Variants in IL1RAPL1 observed in about 807,000 individuals in gnomAD.
IL1RAPL1 encodes interleukin-1 receptor accessory protein-like 1.
IL1RAPL1 carries 3 observed loss-of-function variants against 48.4 expected under a neutral mutation model. The observed-to-expected ratio is 0.06, with a 90% CI of 0.03 to 0.16. The LOEUF is 0.16. IL1RAPL1 is among the 10% of genes least tolerant of loss of function. IL1RAPL1 has a pLI of 1.00. For synonymous variants in IL1RAPL1, 185 were observed against 187.7 expected, an observed-to-expected ratio of 0.99 and a Z score of 0.12; for missense variants, 349 against 530.6, an observed-to-expected ratio of 0.66 and a Z score of 3.36.
At chrX:29,028,612 T>A (rs1336533501) in intron 2 of IL1RAPL1, among the ~76,000 whole-genome samples, 2 of 111,302 alleles carry the variant, frequency 1.8e-5, no homozygotes, top group African/African-American at 3.3e-5. Flanking sequence ...ATGAATTCAG[T>A]GTTTTTAGAT....
At chrX:28,952,345 G>A (rs1924492444) in intron 2 of IL1RAPL1, among the ~76,000 whole-genome samples, 1 of 111,040 alleles carries the variant, frequency 9.0e-6, no homozygotes, top group African/African-American at 3.3e-5. Flanking sequence ...AAAAAGTTAT[G>A]TTTATAAATT....
intron 6 of IL1RAPL1, among the ~76,000 whole-genome samples, chrX:29,771,039 G>A (rs762174300): frequency 5.4e-4 from 61 of 111,966 alleles, no homozygotes; most frequent in Non-Finnish European, 1.0e-3. Context: ...ATATGTGCCT[G>A]TCATGTCATT....
intron 3 of IL1RAPL1, among the ~76,000 whole-genome samples, chrX:29,338,701 C>A (rs1402363303): frequency 9.0e-6 from 1 of 110,870 alleles, no homozygotes; most frequent in Non-Finnish European, 1.9e-5. Context: ...CTCCCTCATC[C>A]CCTTCTTCTC....
At chrX:29,149,393 G>A (rs1929416103) in intron 2 of IL1RAPL1, among the ~76,000 whole-genome samples, 1 of 110,989 alleles carries the variant, frequency 9.0e-6, no homozygotes, top group Admixed American at 9.7e-5. Context: ...TACCACATTT[G>A]ACACTGAAAA....
At chrX:29,674,203 A>T (rs149610438) in intron 6 of IL1RAPL1, among the ~76,000 whole-genome samples, 460 of 111,684 alleles carry the variant, frequency 4.1e-3, no homozygotes, top group South Asian at 0.015. Context: ...GAGGCAGGCA[A>T]ATCCCTTGAG....
chrX:29,847,079 A>G (rs921621538), intron 6 of IL1RAPL1, among the ~76,000 whole-genome samples: 34 of 111,729 alleles, frequency 3.0e-4, no homozygotes, highest in African/African-American at 1.0e-3. Flanking sequence ...TAAAAATAGA[A>G]CATTTCACAC....
At chrX:28,656,612 G>C (rs765489836) in intron 1 of IL1RAPL1, among the ~76,000 whole-genome samples, 1 of 111,435 alleles carries the variant, frequency 9.0e-6, no homozygotes, top group South Asian at 3.7e-4. Context: ...TATTTCCTGC[G>C]TGTCCTTCAC....
At chrX:28,903,625 T>G (rs1464614342) in intron 2 of IL1RAPL1, among the ~76,000 whole-genome samples, 3 of 110,063 alleles carry the variant, frequency 2.7e-5, no homozygotes, top group Non-Finnish European at 3.8e-5. Context: ...CTTTTCCTCC[T>G]CCTAAAAAGA....
At chrX:29,603,129 G>C (rs968243733) in intron 5 of IL1RAPL1, among the ~76,000 whole-genome samples, 3 of 110,036 alleles carry the variant, frequency 2.7e-5, no homozygotes, top group African/African-American at 9.9e-5. Context: ...AGCTGGGTGT[G>C]GTGATGGGCG....
chrX:29,252,236 G>A (rs1233173979), intron 2 of IL1RAPL1, among the ~76,000 whole-genome samples: 1 of 110,707 alleles, frequency 9.0e-6, no homozygotes, highest in East Asian at 2.7e-4. Context: ...TGCACATTGT[G>A]CACATGTACC....
At chrX:29,837,059 AC>A (rs1931023378) in intron 6 of IL1RAPL1, among the ~76,000 whole-genome samples, 1 of 107,884 alleles carries the variant, frequency 9.3e-6, no homozygotes, top group Admixed American at 1.0e-4. Context: ...GGAGATGGAG[AC>A]CATCCTGGCT....
At chrX:29,320,361 G>T (rs760314319) in intron 3 of IL1RAPL1, among the ~76,000 whole-genome samples, 1 of 111,972 alleles carries the variant, frequency 8.9e-6, no homozygotes, top group East Asian at 2.8e-4. Context: ...GTCCAAATGG[G>T]AAAAAGACGT....
At chrX:29,587,682 T>C (rs962245234) in intron 5 of IL1RAPL1, among the ~76,000 whole-genome samples, 3 of 111,990 alleles carry the variant, frequency 2.7e-5, no homozygotes, top group Non-Finnish European at 5.6e-5. Context: ...TAACTATTTA[T>C]AGAAAAGGAA....
At chrX:29,573,204 T>C (rs771382747) in intron 5 of IL1RAPL1, among the ~76,000 whole-genome samples, 1 of 112,123 alleles carries the variant, frequency 8.9e-6, no homozygotes, top group East Asian at 2.8e-4. Flanking sequence ...ATATAGTCAC[T>C]TCACAAAGGC....
rs149249097 is a variant in IL1RAPL1, at chrX:29,273,945, A to G, written c.83-8993A>G. On this transcript the variant is annotated intron_variant, in intron 2 of 10. Transcript: ENST00000378993. Reference sequence around the variant, plus strand: ...TATGTATCTTAAAACAAAACATCACATTGTATGCCTTAAACATATACAATT... The same window carrying G: ...TATGTATCTTAAAACAAAACATCACGTTGTATGCCTTAAACATATACAATT... Among the ~76,000 whole-genome samples the G allele has an allele frequency of 3.2e-3, 353 of 111,908 alleles. 2 individuals carry two copies. The highest frequency in any genetic ancestry group is 0.011 in the African/African-American group (338 of 30,810).
intron 5 of IL1RAPL1, among the ~76,000 whole-genome samples, chrX:29,411,828 T>C (rs12008670): frequency 0.044 from 4,855 of 111,279 alleles, 275 homozygotes; most frequent in African/African-American, 0.15. Flanking sequence ...ATTTAAACTT[T>C]TAAATACAAA....
Position 29,512,092 on chromosome X carries a change from T to TTA in IL1RAPL1, c.703+112797_703+112798dup, listed in dbSNP as rs71914498. Among the ~76,000 whole-genome samples, 124 of 107,896 alleles carry TTA rather than the reference T, an allele frequency of 1.1e-3. 1 individual carries two copies. Among genetic ancestry groups the TTA allele is most frequent in the African/African-American group, 3.4e-3 (102 of 29,764 alleles). The allele number at this position is 107,896 out of a possible 115,157, so 93.7% of individuals were successfully genotyped here. ...ATGTTCAAATTGTTAGTTATCTTTATTATATATATATATAATCTCTCTTTC... is the reference window on the plus strand; with the variant it reads ...ATGTTCAAATTGTTAGTTATCTTTATTATATATATATATATAATCTCTCTTTC... On this transcript the variant is annotated intron_variant, in intron 5 of 10. Transcript: ENST00000378993.
At chrX:28,854,409 TAGATGTGAAATTTAGGA>T (rs71954402) in intron 2 of IL1RAPL1, among the ~76,000 whole-genome samples, 54,191 of 106,339 alleles carry the variant, frequency 0.51, 12,466 homozygotes, top group African/African-American at 0.81. Flanking sequence ...TTAGAGAATA[TAGATGTGAAATTTAGGA>T]AGATGTGAAA....
chrX:29,314,244 A>G (rs1475362497), intron 3 of IL1RAPL1, among the ~76,000 whole-genome samples: 1 of 112,061 alleles, frequency 8.9e-6, no homozygotes, highest in Non-Finnish European at 1.9e-5. Context: ...GAGGGGGTCT[A>G]GGTTCAAGTG....
Sources: gnomAD v4.1 joint callset for allele counts (sites outside exome capture counted in the v4.1 genomes callset) on GRCh38, gnomAD v4.1.1 for gene constraint, MANE v1.5 for transcripts, NCBI Gene and HGNC (gene_info 2026-07-23, HGNC 2026-07-21) for gene names.